CTNNA3: variants seen among roughly 807,000 people sequenced by gnomAD.
CTNNA3 encodes catenin alpha-3.
In CTNNA3, 76 loss-of-function variants were observed where a neutral mutation model predicts 95.7. The ratio of observed to expected loss-of-function variants is 0.79; its 90% CI spans 0.66 to 0.96. The LOEUF (loss-of-function observed/expected upper bound fraction) is 0.96, where lower values mean the gene tolerates loss of function less well. Among genes scored for constraint, CTNNA3 ranks in the 40% least tolerant of loss-of-function variants. The pLI is 0.00. For synonymous variants in CTNNA3, 431 were observed against 374.4 expected, an observed-to-expected ratio of 1.15 and a Z score of -1.74; for missense variants, 1,191 against 1,089.8, an observed-to-expected ratio of 1.09 and a Z score of -1.31.
chr10:66,430,032 G>A (rs1288122031), intron 11 of CTNNA3, among the ~76,000 whole-genome samples: 1 of 131,878 alleles, frequency 7.6e-6, no homozygotes, highest in Non-Finnish European at 1.6e-5. Context: ...ATCTCCTTAA[G>A]CTGATAAGCA....
At chr10:66,573,138 T>G (rs76201519) in intron 10 of CTNNA3, among the ~76,000 whole-genome samples, 2,161 of 152,270 alleles carry the variant, frequency 0.014, 48 homozygotes, top group African/African-American at 0.049. Flanking sequence ...GTGGCTCAGG[T>G]TCACATGAAA....
intron 9 of CTNNA3, among the ~76,000 whole-genome samples, chr10:66,744,504 G>A (rs1051749245): frequency 6.6e-6 from 1 of 152,144 alleles, no homozygotes; most frequent in African/African-American, 2.4e-5. Context: ...GGGTTGTCCT[G>A]TCTTGTGATT....
At chr10:66,457,204 G>A (rs2093500384) in intron 11 of CTNNA3, among the ~76,000 whole-genome samples, 1 of 152,176 alleles carries the variant, frequency 6.6e-6, no homozygotes, top group Middle Eastern at 3.4e-3. Context: ...AAACAGATCA[G>A]TTAGATTTTG....
intron 11 of CTNNA3, among the ~76,000 whole-genome samples, chr10:66,494,200 G>A (rs137868146): frequency 0.015 from 2,327 of 152,234 alleles, 50 homozygotes; most frequent in African/African-American, 0.053. Flanking sequence ...GAGCCACTGC[G>A]CTGGGCCAAA....
chr10:67,729,015 A>G (rs962550585), intron 1 of CTNNA3, among the ~76,000 whole-genome samples: 12 of 152,288 alleles, frequency 7.9e-5, no homozygotes, highest in African/African-American at 2.9e-4. Flanking sequence ...TAAATGAAAA[A>G]TGGTTAGTAA....
At chr10:67,689,443 A>G (rs536206508) in intron 1 of CTNNA3, among the ~76,000 whole-genome samples, 2 of 152,294 alleles carry the variant, frequency 1.3e-5, no homozygotes, top group African/African-American at 4.8e-5. Context: ...AATCATTCTT[A>G]TAGGAGAAAC....
intron 15 of CTNNA3, among the ~76,000 whole-genome samples, chr10:66,033,160 T>G (rs2079484425): frequency 6.9e-6 from 1 of 144,668 alleles, no homozygotes; most frequent in African/African-American, 2.5e-5. Flanking sequence ...GAGACGAGTC[T>G]CGCTCTGTCA....
intron 13 of CTNNA3, among the ~76,000 whole-genome samples, chr10:66,185,061 C>A (rs2086258073): frequency 6.6e-6 from 1 of 152,194 alleles, no homozygotes; most frequent in African/African-American, 2.4e-5. Context: ...GTGCATAGCA[C>A]TCACCACTAG....
chr10:66,500,017 TG>T (rs1334939069), intron 11 of CTNNA3, among the ~76,000 whole-genome samples: 1 of 151,790 alleles, frequency 6.6e-6, no homozygotes, highest in Admixed American at 6.6e-5. Flanking sequence ...TGGCCAGGCT[TG>T]TCTCAAACTC....
intron 7 of CTNNA3, among the ~76,000 whole-genome samples, chr10:66,825,942 T>G (rs1051808382): frequency 6.6e-6 from 1 of 152,172 alleles, no homozygotes; most frequent in African/African-American, 2.4e-5. Flanking sequence ...TCTGAATTCC[T>G]ACTGTCTACT....
At chr10:67,248,263 T>C (rs924174528) in intron 5 of CTNNA3, among the ~76,000 whole-genome samples, 6 of 152,190 alleles carry the variant, frequency 3.9e-5, no homozygotes, top group Non-Finnish European at 8.8e-5. Context: ...CCTAAGCTTC[T>C]GGGTGTTGAA....
At chr10:66,430,576 C>T (rs146403766) in intron 11 of CTNNA3, among the ~76,000 whole-genome samples, 40,219 of 151,948 alleles carry the variant, frequency 0.26, 5,480 homozygotes, top group South Asian at 0.39. Flanking sequence ...TGGAACAGAA[C>T]AGAGCCCTCA....
chr10:66,269,327 A>G (rs7923361), intron 13 of CTNNA3, among the ~76,000 whole-genome samples: 11,463 of 152,234 alleles, frequency 0.075, 1,267 homozygotes, highest in African/African-American at 0.24. Context: ...GGAAGAGATT[A>G]GCTATTTGTA....
At chr10:67,443,878 A>G (rs1290945319) in intron 5 of CTNNA3, among the ~76,000 whole-genome samples, 2 of 152,108 alleles carry the variant, frequency 1.3e-5, no homozygotes, top group East Asian at 1.9e-4. Flanking sequence ...GCCCATGCCT[A>G]TGTCCTGAAT....
At chr10:66,498,183 T>A (rs533521421) in intron 11 of CTNNA3, among the ~76,000 whole-genome samples, 1 of 152,200 alleles carries the variant, frequency 6.6e-6, no homozygotes, top group African/African-American at 2.4e-5. Flanking sequence ...TCAATTTTGA[T>A]TACTTCTGTT....
At chr10:66,167,245 C>A (rs989800292) in intron 13 of CTNNA3, among the ~76,000 whole-genome samples, 1 of 151,694 alleles carries the variant, frequency 6.6e-6, no homozygotes, top group African/African-American at 2.4e-5. Context: ...ACCTTTCTGC[C>A]AACAATTATT....
chr10:67,021,876 T>C lies in CTNNA3; in HGVS notation c.1047+158441A>G, dbSNP rs904778561. On this transcript the variant is annotated intron_variant, in intron 7 of 17. Transcript: ENST00000433211. ...AAACAGGAGTGAAGTACTAGGAGTT[T>C]GAAGGGATGAATGAAAAGAAGGATG... Among the ~76,000 whole-genome samples the C allele has an allele frequency of 2.0e-5, 3 of 152,068 alleles. No individual in the cohort carries two copies. The South Asian group carries it at 6.2e-4, about 32-fold the overall frequency.
At chr10:66,415,715 G>A (rs1285252086) in intron 11 of CTNNA3, among the ~76,000 whole-genome samples, 1 of 152,102 alleles carries the variant, frequency 6.6e-6, no homozygotes, top group African/African-American at 2.4e-5. Context: ...AAGCCACCAA[G>A]GAAGTCTCAG....
chr10:67,090,236 A>G (rs951875823), intron 7 of CTNNA3, among the ~76,000 whole-genome samples: 5 of 152,024 alleles, frequency 3.3e-5, no homozygotes, highest in African/African-American at 9.7e-5. Context: ...ATTGGTCAAT[A>G]TGTGTGTAGT....
Sources: gnomAD v4.1 joint callset for allele counts (sites outside exome capture counted in the v4.1 genomes callset) on GRCh38, gnomAD v4.1.1 for gene constraint, MANE v1.5 for transcripts, NCBI Gene and HGNC (gene_info 2026-07-23, HGNC 2026-07-21) for gene names.